Variants in CDK8 observed in about 807,000 individuals in gnomAD.
CDK8 encodes cyclin-dependent kinase 8.
Under a neutral mutation model 71.5 loss-of-function variants are expected in CDK8, and 29 were observed. That is an observed-to-expected ratio of 0.41 (90% CI 0.30 to 0.55). The LOEUF (loss-of-function observed/expected upper bound fraction) is 0.55, where lower values mean the gene tolerates loss of function less well. Among genes scored for constraint, CDK8 ranks in the 20% least tolerant of loss-of-function variants. The pLI, the probability that CDK8 is intolerant of heterozygous loss-of-function variation, is 0.37. For synonymous variants in CDK8, 161 were observed against 192.1 expected, an observed-to-expected ratio of 0.84 and a Z score of 1.34; for missense variants, 288 against 572.6, an observed-to-expected ratio of 0.50 and a Z score of 5.07.
chr13:26,323,580 A>T (rs1874892265), intron 1 of CDK8, among the ~76,000 whole-genome samples: 1 of 152,108 alleles, frequency 6.6e-6, no homozygotes, highest in Non-Finnish European at 1.5e-5. Context: ...CCTTTATATT[A>T]GGCCCTCGTT....
At chr13:26,389,248 C>T (rs1302770659) in intron 6 of CDK8, among the ~76,000 whole-genome samples, 12 of 152,090 alleles carry the variant, frequency 7.9e-5, no homozygotes, top group Non-Finnish European at 1.2e-4. Flanking sequence ...CTGCAACCTC[C>T]GCTTCCCAGG....
intron 1 of CDK8, among the ~76,000 whole-genome samples, chr13:26,309,529 A>T (rs951991289): frequency 2.0e-5 from 3 of 152,146 alleles, no homozygotes; most frequent in African/African-American, 7.2e-5. Context: ...TTTCATATGT[A>T]TGGCTTTTTC....
intron 1 of CDK8, among the ~76,000 whole-genome samples, chr13:26,330,627 G>A (rs1351105911): frequency 3.8e-5 from 5 of 131,604 alleles, no homozygotes; most frequent in African/African-American, 7.5e-5. Flanking sequence ...TCCTTCACGT[G>A]TTCACATTTT....
chr13:26,298,669 A>C (rs2137912670), intron 1 of CDK8, among the ~76,000 whole-genome samples: 1 of 152,292 alleles, frequency 6.6e-6, no homozygotes, highest in Non-Finnish European at 1.5e-5. Flanking sequence ...GCAGGGGATT[A>C]GTTGTGCGAA....
chr13:26,265,035 A>G (rs1871961602), intron 1 of CDK8, among the ~76,000 whole-genome samples: 1 of 152,214 alleles, frequency 6.6e-6, no homozygotes. Context: ...GTTGCCATAA[A>G]CATGCGAGTG....
intron 1 of CDK8, among the ~76,000 whole-genome samples, chr13:26,290,845 G>A (rs1258932387): frequency 6.6e-6 from 1 of 151,996 alleles, no homozygotes; most frequent in Non-Finnish European, 1.5e-5. Flanking sequence ...GGCCAGGCGC[G>A]GTGGCTCACA....
intron 4 of CDK8, among the ~76,000 whole-genome samples, chr13:26,371,881 G>C (rs542765590): frequency 1.3e-5 from 2 of 152,082 alleles, no homozygotes; most frequent in African/African-American, 4.8e-5. Flanking sequence ...GCCTCCCAAA[G>C]TGCTGAGATT....
At chr13:26,367,045 A>C (rs867503141) in intron 4 of CDK8, among the ~76,000 whole-genome samples, 63 of 152,274 alleles carry the variant, frequency 4.1e-4, no homozygotes, top group Middle Eastern at 3.4e-3. Context: ...GTCTTATTAG[A>C]GTAAACTTGT....
At chr13:26,294,513 C>T (rs543899727) in intron 1 of CDK8, among the ~76,000 whole-genome samples, 1 of 152,258 alleles carries the variant, frequency 6.6e-6, no homozygotes, top group South Asian at 2.1e-4. Context: ...TTTTAAATGG[C>T]TGTGCTAATT....
At chr13:26,347,951 T>C (rs933028334) in intron 2 of CDK8, among the ~76,000 whole-genome samples, 2 of 152,104 alleles carry the variant, frequency 1.3e-5, no homozygotes, top group African/African-American at 4.8e-5. Context: ...GCTCAAAGCA[T>C]TGAAAGCAGG....
At chr13:26,320,501 G>C (rs1167087873) in intron 1 of CDK8, among the ~76,000 whole-genome samples, 1 of 151,964 alleles carries the variant, frequency 6.6e-6, no homozygotes, top group Non-Finnish European at 1.5e-5. Flanking sequence ...TATGGCACAG[G>C]CAATAAAAGA....
intron 5 of CDK8, among the ~76,000 whole-genome samples, chr13:26,383,731 C>T (rs1875341223): frequency 6.6e-6 from 1 of 152,168 alleles, no homozygotes; most frequent in South Asian, 2.1e-4. Flanking sequence ...TCCTAATATT[C>T]TTCCTTATAA....
intron 1 of CDK8, among the ~76,000 whole-genome samples, chr13:26,323,135 T>C (rs1874857664): frequency 6.6e-6 from 1 of 152,172 alleles, no homozygotes; most frequent in African/African-American, 2.4e-5. Flanking sequence ...ATCTCTGTCT[T>C]AGTCTGTTTG....
intron 7 of CDK8, among the ~76,000 whole-genome samples, chr13:26,395,154 A>C (rs571252653): frequency 6.6e-6 from 1 of 152,314 alleles, no homozygotes; most frequent in South Asian, 2.1e-4. Flanking sequence ...ATATTTTTAC[A>C]AGTAAGTTCA....
At chr13:26,329,469 G>GTTTTTTTTTTTTTT (rs35796023) in intron 1 of CDK8, among the ~76,000 whole-genome samples, 3 of 71,560 alleles carry the variant, frequency 4.2e-5, no homozygotes, top group African/African-American at 1.2e-4. Context: ...GCCTATTTCT[G>GTTTTTTTTTTTTTT]TTTTTTTTTT....
At chr13:26,377,108 G>A (rs546871466) in intron 4 of CDK8, among the ~76,000 whole-genome samples, 1 of 152,380 alleles carries the variant, frequency 6.6e-6, no homozygotes, top group African/African-American at 2.4e-5. Context: ...CCCCCTGAAA[G>A]GGGACTTCTT....
intron 1 of CDK8, among the ~76,000 whole-genome samples, chr13:26,318,768 T>TA (rs1240469558): frequency 2.0e-5 from 3 of 151,972 alleles, no homozygotes; most frequent in Admixed American, 2.0e-4. Flanking sequence ...CCTTTCATCA[T>TA]AAAAACAAAA....
At chr13:26,352,544 C>A (rs1249012671) in intron 3 of CDK8, among the ~76,000 whole-genome samples, 2 of 152,096 alleles carry the variant, frequency 1.3e-5, no homozygotes, top group East Asian at 3.9e-4. Context: ...GGAGAACAGA[C>A]TTGATTGTCA....
intron 4 of CDK8, among the ~76,000 whole-genome samples, chr13:26,355,283 C>A (rs1313171902): frequency 6.6e-6 from 1 of 152,182 alleles, no homozygotes; most frequent in African/African-American, 2.4e-5. Context: ...TTTATGCAAA[C>A]TTTTATTTTT....
Sources: allele counts gnomAD v4.1 joint callset (sites outside exome capture counted in the v4.1 genomes callset), GRCh38; gene constraint gnomAD v4.1.1; transcripts MANE v1.5; gene names NCBI Gene and HGNC (gene_info 2026-07-23, HGNC 2026-07-21).